ADGRL3: variants seen among roughly 807,000 people sequenced by gnomAD.
ADGRL3 encodes the protein calcium-independent alpha-latrotoxin receptor 3.
ADGRL3 carries 62 observed loss-of-function variants against 153.5 expected under a neutral mutation model. The observed-to-expected ratio is 0.40, with a 90% CI of 0.33 to 0.50. The LOEUF is 0.50. Among genes scored for constraint, ADGRL3 ranks in the 20% least tolerant of loss-of-function variants. The pLI, the probability that ADGRL3 is intolerant of heterozygous loss-of-function variation, is 0.47. For synonymous variants in ADGRL3, 710 were observed against 672.5 expected, an observed-to-expected ratio of 1.06 and a Z score of -0.86; for missense variants, 1,641 against 1,859.4, an observed-to-expected ratio of 0.88 and a Z score of 2.16.
At chr4:61,322,117 A>G (rs971775105) in intron 1 of ADGRL3, among the ~76,000 whole-genome samples, 1 of 152,136 alleles carries the variant, frequency 6.6e-6, no homozygotes, top group Non-Finnish European at 1.5e-5. Context: ...CACATCTTAC[A>G]TGGATAACAG....
At chr4:61,580,174 CT>C in intron 4 of ADGRL3, among the ~76,000 whole-genome samples, 1 of 149,064 alleles carries the variant, frequency 6.7e-6, no homozygotes. Flanking sequence ...GTAAGAAACT[CT>C]TTTAGAATCA....
intron 8 of ADGRL3, among the ~76,000 whole-genome samples, chr4:61,764,922 G>A (rs369551084): frequency 9.3e-5 from 14 of 151,144 alleles, no homozygotes; most frequent in South Asian, 2.1e-4. Flanking sequence ...AACATTTGTC[G>A]TATAGAATGA....
At chr4:61,625,540 T>C (rs2092782925) in intron 5 of ADGRL3, among the ~76,000 whole-genome samples, 1 of 152,106 alleles carries the variant, frequency 6.6e-6, no homozygotes, top group African/African-American at 2.4e-5. Flanking sequence ...AATTTCTCTC[T>C]ATACAACCCT....
intron 1 of ADGRL3, among the ~76,000 whole-genome samples, chr4:61,346,781 CAA>C (rs748059859): frequency 4.7e-4 from 21 of 44,732 alleles, no homozygotes; most frequent in Admixed American, 9.4e-4. Flanking sequence ...AGACCTGTCT[CAA>C]AAAAAAAAAA....
At chr4:61,491,306 G>T (rs574947912) in intron 2 of ADGRL3, among the ~76,000 whole-genome samples, 2 of 152,198 alleles carry the variant, frequency 1.3e-5, no homozygotes, top group South Asian at 4.1e-4. Context: ...CTGGAATCTT[G>T]AATTGAATAA....
chr4:61,663,716 T>A (rs934206758), intron 5 of ADGRL3, among the ~76,000 whole-genome samples: 2 of 152,170 alleles, frequency 1.3e-5, no homozygotes, highest in Non-Finnish European at 2.9e-5. Context: ...CAATAACAAA[T>A]TTTTTCCCTT....
intron 8 of ADGRL3, among the ~76,000 whole-genome samples, chr4:61,756,999 G>T (rs528868687): frequency 6.6e-6 from 1 of 152,068 alleles, no homozygotes; most frequent in Non-Finnish European, 1.5e-5. Context: ...AAGCTTTTTG[G>T]TGTGCTGCTG....
At chr4:61,753,934 T>A (rs892263281) in intron 8 of ADGRL3, among the ~76,000 whole-genome samples, 1 of 152,184 alleles carries the variant, frequency 6.6e-6, no homozygotes, top group African/African-American at 2.4e-5. Flanking sequence ...CCAATGGACT[T>A]GCCATCAGTC....
intron 25 of ADGRL3, among the ~76,000 whole-genome samples, chr4:62,047,993 A>T (rs559894258): frequency 6.6e-6 from 1 of 152,282 alleles, no homozygotes; most frequent in East Asian, 1.9e-4. Context: ...ACAAACTCAT[A>T]GGACTTCAGG....
At position 62,028,842 on chromosome 4, in the gene ADGRL3, A is replaced by G. The variant is rs1301623615; in HGVS notation, c.3396-13A>G. 6 of 1,601,086 alleles carry G rather than the reference A, an allele frequency of 3.7e-6. No individual in the cohort carries two copies. The highest frequency in any genetic ancestry group is 3.4e-6 in the Non-Finnish European group (4 of 1,172,382). ...TGTTGGTGTTCTTGTCTTTATGTCTATGCATTCTTTAGCTATGAGGATAAC... is the reference window on the plus strand; with the variant it reads ...TGTTGGTGTTCTTGTCTTTATGTCTGTGCATTCTTTAGCTATGAGGATAAC... On this transcript the variant is annotated splice_polypyrimidine_tract_variant and intron_variant, in intron 21 of 26. Transcript: ENST00000683033.
intron 8 of ADGRL3, among the ~76,000 whole-genome samples, chr4:61,763,610 A>T (rs1455813962): frequency 1.3e-5 from 2 of 152,166 alleles, no homozygotes; most frequent in Non-Finnish European, 2.9e-5. Flanking sequence ...GTGTATTAAC[A>T]TACCCAAATA....
intron 1 of ADGRL3, among the ~76,000 whole-genome samples, chr4:61,205,666 A>G (rs146266243): frequency 1.3e-3 from 195 of 152,360 alleles, no homozygotes; most frequent in African/African-American, 4.4e-3. Context: ...TTAAATAAAA[A>G]GTAAAACTTG....
intron 14 of ADGRL3, among the ~76,000 whole-genome samples, 155 bp downstream of exon 14, chr4:61,935,178 A>C (rs908405811): frequency 5.3e-5 from 8 of 152,328 alleles, no homozygotes; most frequent in African/African-American, 1.9e-4. Flanking sequence ...ATCACTTGTC[A>C]TTGGCTTAAA....
chr4:61,685,695 T>C (rs2151044686), intron 6 of ADGRL3, among the ~76,000 whole-genome samples: 1 of 152,222 alleles, frequency 6.6e-6, no homozygotes, highest in Non-Finnish European at 1.5e-5. Context: ...TTTAGAGAGC[T>C]ACTAACCAGC....
intron 4 of ADGRL3, among the ~76,000 whole-genome samples, chr4:61,530,389 T>TA (rs61318359): frequency 0.025 from 3,529 of 142,390 alleles, 90 homozygotes; most frequent in East Asian, 0.13. Flanking sequence ...CTACCCTCCC[T>TA]AAAAAAAAAA....
intron 8 of ADGRL3, among the ~76,000 whole-genome samples, chr4:61,741,544 C>T (rs73823225): frequency 0.027 from 4,087 of 152,270 alleles, 118 homozygotes; most frequent in East Asian, 0.076. Context: ...TTTCAGGGAG[C>T]ACAGCCAAAG....
chr4:61,922,552 A>G (rs913440961), intron 13 of ADGRL3, among the ~76,000 whole-genome samples: 7 of 152,172 alleles, frequency 4.6e-5, no homozygotes, highest in African/African-American at 1.4e-4. Flanking sequence ...TTAGGATCCT[A>G]TCCAGGATAT....
At chr4:61,736,632 T>C (rs2096519120) in intron 8 of ADGRL3, among the ~76,000 whole-genome samples, 1 of 152,122 alleles carries the variant, frequency 6.6e-6, no homozygotes, top group Non-Finnish European at 1.5e-5. Flanking sequence ...CACGCCAGCC[T>C]GAGTGACAGA....
intron 17 of ADGRL3, among the ~76,000 whole-genome samples, chr4:61,977,152 T>G (rs1355969181): frequency 1.3e-5 from 2 of 152,080 alleles, no homozygotes; most frequent in Non-Finnish European, 2.9e-5. Context: ...ACAAATACAT[T>G]TCTAATAATG....
Sources: allele counts gnomAD v4.1 joint callset (sites outside exome capture counted in the v4.1 genomes callset), GRCh38; gene constraint gnomAD v4.1.1; transcripts MANE v1.5; gene names NCBI Gene and HGNC (gene_info 2026-07-23, HGNC 2026-07-21).